The following MBD3 variants were observed in gnomAD, a reference collection of about 807,000 sequenced individuals.
MBD3 encodes methyl-CpG-binding domain protein 3.
Under a neutral mutation model 31.2 loss-of-function variants are expected in MBD3, and 13 were observed. The observed-to-expected ratio is 0.42, with a 90% CI of 0.27 to 0.66. The LOEUF is 0.66. MBD3 is among the 30% of genes least tolerant of loss of function. MBD3 has a pLI of 0.26. For synonymous variants in MBD3, 223 were observed against 187.4 expected, an observed-to-expected ratio of 1.19 and a Z score of -1.55; for missense variants, 440 against 426.5, an observed-to-expected ratio of 1.03 and a Z score of -0.28.
chr19:1,573,895 A>G lies in MBD3; in HGVS notation c.*4269T>C, dbSNP rs560438632. On this transcript the variant is annotated 3_prime_UTR_variant, in exon 7 of 7. Coordinates refer to ENST00000434436, the MANE Select transcript of MBD3 (RefSeq NM_001281453.2). ...CGGGCGCCCGTAATCTCAGCTACTC[A>G]GCAGGCTGAGGCTGGAGAATCTATT... 2 of 152,184 alleles carry G rather than the reference A, an allele frequency of 1.3e-5. No homozygotes were observed. Among genetic ancestry groups the G allele is most frequent in the Non-Finnish European group, 2.9e-5 (2 of 68,054 alleles). The allele number at this position is 152,184 out of a possible 1,614,324, so 9.4% of individuals were successfully genotyped here. A position where few individuals can be genotyped will look rare whatever the true frequency, so the allele number is the denominator to read the frequency against.
intron 3 of MBD3, chr19:1,583,215 A>G (rs2060661421): frequency 6.5e-6 from 1 of 154,296 alleles, no homozygotes; most frequent in Non-Finnish European, 1.4e-5. Flanking sequence ...AAAAAAGAAA[A>G]AAAAAAAAAA....
intron 4 of MBD3, among the ~76,000 whole-genome samples, chr19:1,581,978 A>G (rs921602047): frequency 5.9e-5 from 9 of 152,162 alleles, no homozygotes; most frequent in African/African-American, 1.2e-4. Context: ...CATGTTAGCC[A>G]GGATGATCTC....
rs1240749237 is a variant in MBD3 at position 1,589,525 on chromosome 19, G to T, written c.110+2997C>A. On this transcript the variant is annotated intron_variant, in intron 1 of 6. Coordinates refer to ENST00000434436, the MANE Select transcript of MBD3 (RefSeq NM_001281453.2). ...AAAATTAGCTGGGGGTTGTGGTGGG[G>T]GCCTGTAATCCCAGCTACTCAGGAG... 2.7e-5 allele frequency among the ~76,000 whole-genome samples: 4 copies of T among 150,846 alleles called. No homozygotes were observed. In the East Asian group the frequency reaches 7.8e-4, roughly 30 times the overall value.
rs1172571656 is a variant in MBD3 at position 1,575,618 on chromosome 19, C to T, written c.*2546G>A. The T allele has an allele frequency of 1.8e-5, 3 of 164,010 alleles. No homozygotes were observed. The highest frequency in any genetic ancestry group is 2.6e-5 in the Non-Finnish European group (2 of 75,536). The allele number at this position is 164,010 out of a possible 1,614,324, so 10.2% of individuals were successfully genotyped here. On this transcript the variant is annotated 3_prime_UTR_variant, in exon 7 of 7. Transcript: ENST00000434436. ...GGCTGGAGTGTGGAGCCTCGGTGCG[C>T]CCAGGGGGTTCAGCCTGAGGGTCTG...
rs1020453978 is a variant in MBD3 at position 1,578,736 on chromosome 19, C to T, written c.678-198G>A. Among the ~76,000 whole-genome samples, 3 of 152,286 alleles carry T rather than the reference C, an allele frequency of 2.0e-5. No homozygotes were observed. The highest frequency in any genetic ancestry group is 7.2e-5 in the African/African-American group (3 of 41,580). ...ACCGGCTGCCGCTGGCCATCGCCAGCGTCCGCCACCCTCCCAGATGGCCCC... is the reference window on the plus strand; with the variant it reads ...ACCGGCTGCCGCTGGCCATCGCCAGTGTCCGCCACCCTCCCAGATGGCCCC... On this transcript the variant is annotated intron_variant, in intron 5 of 6. Transcript: ENST00000434436. The surrounding 1 kb of genome is among the most constrained non-coding windows in gnomAD (Gnocchi z 6.1).
chr19:1,581,088 C>T lies in MBD3; in HGVS notation c.677+4G>A. 1 of 1,614,126 alleles carries T rather than the reference C, an allele frequency of 6.2e-7. No individual in the cohort carries two copies. Among genetic ancestry groups the T allele is most frequent in the East Asian group, 2.2e-5 (1 of 44,872 alleles). ...AGCAGCAGGGGACCAGGCCAAGGGG[C>T]TACCTGATGTCCTCGTCGGTCACCA... On this transcript the variant is annotated splice_donor_region_variant and intron_variant, in intron 5 of 6. Transcript: ENST00000434436.
In MBD3 at chr19:1,581,131, G is replaced by A; in HGVS notation, c.638C>T (p.Pro213Leu). The A allele has an allele frequency of 6.2e-7, 1 of 1,614,162 alleles. No homozygotes were observed. Among genetic ancestry groups the A allele is most frequent in the Non-Finnish European group, 8.5e-7 (1 of 1,180,036 alleles). ...GGTCACCATGAAGGCTTTGCACAGG[G>A]GCTGCGTGGTGTTGAGCCATACGCC... ...NPGVWLNTTQPLCKAFMVTDE... is the reference protein window; with the variant it reads ...NPGVWLNTTQLLCKAFMVTDE... The change falls in exon 5 of 7, where the codon CCC becomes CTC. Residue 213 changes from proline to leucine, a missense_variant. This residue lies in a region of MBD3 where 144 missense variants were observed against 196.9 expected (regional missense o/e 0.73). Transcript: ENST00000434436.
chr19:1,577,758 G>A lies in MBD3; in HGVS notation c.*406C>T, dbSNP rs193185412. 5.9e-6 allele frequency: 1 copy of A among 169,312 alleles called. No homozygotes were observed. The highest frequency in any genetic ancestry group is 1.3e-5 in the Non-Finnish European group (1 of 77,928). The allele number at this position is 169,312 out of a possible 1,614,324, so 10.5% of individuals were successfully genotyped here. A position where few individuals can be genotyped will look rare whatever the true frequency, so the allele number is the denominator to read the frequency against. On this transcript the variant is annotated 3_prime_UTR_variant, in exon 7 of 7. Coordinates refer to ENST00000434436, the MANE Select transcript of MBD3 (RefSeq NM_001281453.2). Reference sequence around the variant, plus strand: ...TGTGAGTTTCAAAACTACGCCTCCAGACCGAGAAACCCTCCCAGCTGTCAG... The same window carrying A: ...TGTGAGTTTCAAAACTACGCCTCCAAACCGAGAAACCCTCCCAGCTGTCAG...
Position 1,578,355 on chromosome 19 carries a change from C to G in MBD3, c.861G>C (p.Glu287Asp). 2.5e-6 allele frequency: 4 copies of G among 1,603,760 alleles called. No individual in the cohort carries two copies. Among genetic ancestry groups the G allele is most frequent in the Non-Finnish European group, 3.4e-6 (4 of 1,179,822 alleles). Residue 287 changes from glutamate to aspartate, a missense_variant, in exon 6 of 7, where the codon GAG (glutamate) becomes GAC (aspartate). Physicochemically the swap from Glu to Asp is conservative, Grantham distance 45. This residue lies in a region of MBD3 where 117 missense variants were observed against 95.0 expected (regional missense o/e 1.23). Coordinates refer to ENST00000434436, the MANE Select transcript of MBD3 (RefSeq NM_001281453.2). This position sits in a 1 kb window ranked among gnomAD's most constrained non-coding sequence, Gnocchi z 6.1. Reference protein sequence around the residue: ...EEEEEPDPDPEMEHV With the variant: ...EEEEEPDPDPDMEHV Reference sequence around the variant, plus strand: ...AGCACCTGCCCTAGACGTGCTCCATCTCCGGGTCCGGGTCGGGCTCCTCCT... The same window carrying G: ...AGCACCTGCCCTAGACGTGCTCCATGTCCGGGTCCGGGTCGGGCTCCTCCT...
rs1474658880 is a variant in MBD3 at position 1,585,048 on chromosome 19, C to G, written c.270+7G>C. 7 of 1,611,048 alleles carry G rather than the reference C, an allele frequency of 4.3e-6. No individual in the cohort carries two copies. Among genetic ancestry groups the G allele is most frequent in the Non-Finnish European group, 5.9e-6 (7 of 1,179,278 alleles). ...GCCGACGTCACCTGCGTGACGCCAC[C>G]ACTCACCTTGACCTGGTTGGAGGAG... On this transcript the variant is annotated splice_region_variant and intron_variant, in intron 2 of 6. Coordinates refer to ENST00000434436, the MANE Select transcript of MBD3 (RefSeq NM_001281453.2). This position sits in a 1 kb window ranked among gnomAD's most constrained non-coding sequence, Gnocchi z 4.1.
intron 1 of MBD3, chr19:1,592,300 A>G (rs1158002898): frequency 6.2e-6 from 1 of 161,858 alleles, no homozygotes; most frequent in Admixed American, 6.4e-5. Flanking sequence ...GCCGTCCGGC[A>G]GCCAGTCCCT....
chr19:1,584,866 C>T lies in MBD3; in HGVS notation c.270+189G>A. ...CCGGCCGGCTCTGGAACGCCCGCCGCGGGCCGCGTCCTCGCCATGCGCCTT... is the reference window on the plus strand; with the variant it reads ...CCGGCCGGCTCTGGAACGCCCGCCGTGGGCCGCGTCCTCGCCATGCGCCTT... On this transcript the variant is annotated intron_variant, in intron 2 of 6. Coordinates refer to ENST00000434436, the MANE Select transcript of MBD3 (RefSeq NM_001281453.2). 2.0e-6 allele frequency: 2 copies of T among 1,007,698 alleles called. 1 individual carries two copies. Among genetic ancestry groups the T allele is most frequent in the South Asian group, 3.4e-5 (2 of 57,998 alleles). The allele number at this position is 1,007,698 out of a possible 1,614,324, so 62.4% of individuals were successfully genotyped here.
At position 1,578,387 on chromosome 19, in the gene MBD3, C is replaced by T; in HGVS notation, c.829G>A (p.Glu277Lys). 2.5e-6 allele frequency: 4 copies of T among 1,604,376 alleles called. No homozygotes were observed. The highest frequency in any genetic ancestry group is 3.4e-6 in the Non-Finnish European group (4 of 1,179,748). The stretch of plus-strand genomic sequence containing the variant: ...TCCGGGTCGGGCTCCTCCTCCTCCT[C>T]CTCCTCGTCTTCCTCGTCGTCGTCC... Reference protein sequence around the residue: ...AEDDDEEDEEEEEEEPDPDPE... With the variant: ...AEDDDEEDEEKEEEEPDPDPE... Residue 277 changes from glutamate to lysine, a missense_variant, in exon 6 of 7, where the codon GAG (glutamate) becomes AAG (lysine). Coordinates refer to ENST00000434436, the MANE Select transcript of MBD3 (RefSeq NM_001281453.2). This position sits in a 1 kb window ranked among gnomAD's most constrained non-coding sequence, Gnocchi z 6.1.
chr19:1,585,824 G>C lies in MBD3; in HGVS notation c.111-610C>G, dbSNP rs1171557818. 1 of 155,734 alleles carries C rather than the reference G, an allele frequency of 6.4e-6. No individual in the cohort carries two copies. The highest frequency in any genetic ancestry group is 1.4e-5 in the Non-Finnish European group (1 of 70,330). The allele number at this position is 155,734 out of a possible 1,614,324, so 9.6% of individuals were successfully genotyped here. A position where few individuals can be genotyped will look rare whatever the true frequency, so the allele number is the denominator to read the frequency against. ...AGACTGGGAAGGGGTCTCGTTCTAA[G>C]ATCTGGGGCCAGGCCCTAACAGCTG... On this transcript the variant is annotated intron_variant, in intron 1 of 6. Transcript: ENST00000434436. This position sits in a 1 kb window ranked among gnomAD's most constrained non-coding sequence, Gnocchi z 4.1.
chr19:1,585,959 C>G lies in MBD3; in HGVS notation c.111-745G>C, dbSNP rs2060677319. The G allele has an allele frequency of 6.6e-6, 1 of 152,626 alleles. No individual in the cohort carries two copies. Among genetic ancestry groups the G allele is most frequent in the Non-Finnish European group, 1.5e-5 (1 of 68,422 alleles). 9.5% of individuals were successfully genotyped at this position (152,626 alleles called of 1,614,324 possible). On this transcript the variant is annotated intron_variant, in intron 1 of 6. Coordinates refer to ENST00000434436, the MANE Select transcript of MBD3 (RefSeq NM_001281453.2). The surrounding 1 kb of genome is among the most constrained non-coding windows in gnomAD (Gnocchi z 4.1). ...GCCTGCCATGGACAAGCGCCGGCAACTCATCCTCTCCAGGACATAAGGACA... is the reference window on the plus strand; with the variant it reads ...GCCTGCCATGGACAAGCGCCGGCAAGTCATCCTCTCCAGGACATAAGGACA...
rs1917243602 is a variant in MBD3, at chr19:1,577,912, C to T, written c.*252G>A. ...TAGGGAGCCAGGCAGGGCCCAGGAG[C>T]ACCCGGCACTTCCCGAAGCCGGACT... On this transcript the variant is annotated 3_prime_UTR_variant, in exon 7 of 7. Transcript: ENST00000434436. 1 of 245,376 alleles carries T rather than the reference C, an allele frequency of 4.1e-6. No homozygotes were observed. The highest frequency in any genetic ancestry group is 8.1e-6 in the Non-Finnish European group (1 of 124,112). The allele number at this position is 245,376 out of a possible 1,614,324, so 15.2% of individuals were successfully genotyped here. A position where few individuals can be genotyped will look rare whatever the true frequency, so the allele number is the denominator to read the frequency against.
At chr19:1,579,317 C>T (rs894853902) in intron 5 of MBD3, among the ~76,000 whole-genome samples, 1 of 151,812 alleles carries the variant, frequency 6.6e-6, no homozygotes, top group African/African-American at 2.4e-5. Flanking sequence ...ACTCCTTTAC[C>T]ATGGCTCGGG....
At chr19:1,579,147 G>A (rs1917286810) in intron 5 of MBD3, among the ~76,000 whole-genome samples, 1 of 124,562 alleles carries the variant, frequency 8.0e-6, no homozygotes, top group Non-Finnish European at 1.6e-5. Context: ...TGGCGCCATT[G>A]CACTCCAGCA....
rs1915039368 is a variant in MBD3 at position 1,574,219 on chromosome 19, A to C, written c.*3945T>G. The stretch of plus-strand genomic sequence containing the variant: ...AGGCTGAGGAGGGAGAATGGCGTGA[A>C]CCCAGGAGGCAGAGCTTGCAGTGAG... On this transcript the variant is annotated 3_prime_UTR_variant, in exon 7 of 7. Coordinates refer to ENST00000434436, the MANE Select transcript of MBD3 (RefSeq NM_001281453.2). The C allele has an allele frequency of 6.6e-6, 1 of 152,030 alleles. No individual in the cohort carries two copies. Among genetic ancestry groups the C allele is most frequent in the South Asian group, 2.1e-4 (1 of 4,814 alleles). The allele number at this position is 152,030 out of a possible 1,614,324, so 9.4% of individuals were successfully genotyped here.
Sources: gnomAD v4.1 joint callset for allele counts (sites outside exome capture counted in the v4.1 genomes callset) on GRCh38, gnomAD v4.1.1 for gene constraint, gnomAD v4.1.1 regional missense constraint, Gnocchi (gnomAD v3.1) non-coding constraint, MANE v1.5 for transcripts, NCBI Gene and HGNC (gene_info 2026-07-23, HGNC 2026-07-21) for gene names.